The following PRELID2 variants were observed in gnomAD, a reference collection of about 807,000 sequenced individuals.
The protein encoded by PRELID2 is PRELI domain containing 2.
In PRELID2, 25 loss-of-function variants were observed where a neutral mutation model predicts 28.4. The ratio of observed to expected loss-of-function variants is 0.88; its 90% CI spans 0.64 to 1.23. The LOEUF is 1.23. Among genes scored for constraint, PRELID2 ranks in the 50% most tolerant of loss-of-function variants. The pLI is 0.00. For missense variants in PRELID2, 201 were observed against 214.4 expected (o/e 0.94, Z 0.39); for synonymous variants, 76 against 71.6 (o/e 1.06, Z -0.31).
intron 1 of PRELID2, among the ~76,000 whole-genome samples, chr5:145,495,459 G>T (rs777033330): frequency 2.6e-4 from 40 of 152,146 alleles, no homozygotes; most frequent in Admixed American, 1.2e-3. Flanking sequence ...TCTCTAACTT[G>T]GTCTCATCTT....
chr5:145,515,871 C>G (rs1752511379), intron 1 of PRELID2, among the ~76,000 whole-genome samples: 1 of 152,180 alleles, frequency 6.6e-6, no homozygotes. Context: ...ATCACATAAA[C>G]AGAACCAATG....
the PRELID2 span, among the ~76,000 whole-genome samples, chr5:145,362,228 T>C: frequency 6.6e-6 from 1 of 152,136 alleles, no homozygotes. Context: ...TAAATGTTGG[T>C]ATTTGAAGCC....
intron 4 of PRELID2, among the ~76,000 whole-genome samples, chr5:145,805,849 G>T (rs1041179131): frequency 2.2e-4 from 33 of 152,284 alleles, no homozygotes; most frequent in African/African-American, 7.9e-4. Flanking sequence ...CATACTGTAT[G>T]CAACTGCAAC....
intron 1 of PRELID2, among the ~76,000 whole-genome samples, chr5:145,576,621 A>G (rs1047375211): frequency 6.6e-6 from 1 of 151,928 alleles, no homozygotes; most frequent in African/African-American, 2.4e-5. Context: ...AAAATCTTTC[A>G]CAGGAGCTAA....
intron 5 of PRELID2, among the ~76,000 whole-genome samples, chr5:145,776,361 A>C (rs1194770230): frequency 6.6e-6 from 1 of 152,226 alleles, no homozygotes; most frequent in African/African-American, 2.4e-5. Context: ...TTACTTCATA[A>C]GGGCACCAAA....
chr5:145,685,574 G>A (rs547274777), intron 1 of PRELID2, among the ~76,000 whole-genome samples: 1 of 152,208 alleles, frequency 6.6e-6, no homozygotes, highest in African/African-American at 2.4e-5. Context: ...ACAAAAGCAA[G>A]TATAATGCTT....
At chr5:145,438,230 A>G in the PRELID2 span, among the ~76,000 whole-genome samples, 1 of 151,988 alleles carries the variant, frequency 6.6e-6, no homozygotes, top group African/African-American at 2.4e-5. Flanking sequence ...CAAATAAATC[A>G]CTCCTCACTG....
the PRELID2 span, among the ~76,000 whole-genome samples, chr5:145,332,559 G>T: frequency 6.6e-6 from 1 of 151,546 alleles, no homozygotes; most frequent in South Asian, 2.1e-4. Flanking sequence ...TGATTGATTT[G>T]GCTATTGATA....
At chr5:145,337,181 TA>T in the PRELID2 span, among the ~76,000 whole-genome samples, 312 of 151,096 alleles carry the variant, frequency 2.1e-3, no homozygotes, top group Non-Finnish European at 3.6e-3. Context: ...AAAACTAAGC[TA>T]AAAATAAGCA....
intron 1 of PRELID2, chr5:145,825,873 G>T: frequency 4.5e-6 from 1 of 223,834 alleles, no homozygotes. Context: ...TACTTGAAAT[G>T]ATCTGACGCC....
Position 145,675,788 on chromosome 5 carries a change from T to A in PRELID2, n.70+89143A>T, listed in dbSNP as rs187105233. Among the ~76,000 whole-genome samples the A allele has an allele frequency of 3.1e-3, 474 of 152,356 alleles. 2 individuals carry two copies. Among genetic ancestry groups the A allele is most frequent in the African/African-American group, 0.011 (458 of 41,588 alleles). ...TATCTGGTTCTTTACAGAAAATGTT[T>A]GCTGAACTCGGCTATGAACCAGCAA... On this transcript the variant is annotated intron_variant and non_coding_transcript_variant, in intron 1 of 2. Coordinates refer to the PRELID2 transcript ENST00000510259.
At chr5:145,335,501 G>T in the PRELID2 span, among the ~76,000 whole-genome samples, 1 of 151,954 alleles carries the variant, frequency 6.6e-6, no homozygotes, top group Admixed American at 6.6e-5. Context: ...AAATTATTGT[G>T]TTTATCAGTT....
chr5:145,423,202 C>A, the PRELID2 span, among the ~76,000 whole-genome samples: 170 of 151,584 alleles, frequency 1.1e-3, no homozygotes, highest in African/African-American at 4.0e-3. Flanking sequence ...GTGAATCTGA[C>A]AATTATGTGT....
intron 1 of PRELID2, among the ~76,000 whole-genome samples, chr5:145,723,983 C>T (rs1581100473): frequency 2.6e-5 from 4 of 152,230 alleles, no homozygotes; most frequent in Admixed American, 2.0e-4. Flanking sequence ...AATTCTGATG[C>T]ATACACACAA....
At chr5:145,769,117 C>T (rs954432804) in intron 5 of PRELID2, among the ~76,000 whole-genome samples, 1 of 152,256 alleles carries the variant, frequency 6.6e-6, no homozygotes. Context: ...CACAATGATG[C>T]CTGAAATGCA....
chr5:145,782,358 G>A (rs185682218), intron 5 of PRELID2, among the ~76,000 whole-genome samples: 1 of 152,302 alleles, frequency 6.6e-6, no homozygotes, highest in Non-Finnish European at 1.5e-5. Flanking sequence ...ATGACTTTGT[G>A]CAAGGAATTG....
chr5:145,500,092 A>C (rs1366599206), intron 1 of PRELID2, among the ~76,000 whole-genome samples: 1 of 152,172 alleles, frequency 6.6e-6, no homozygotes, highest in Admixed American at 6.6e-5. Context: ...AGGTGGGAAC[A>C]TAGCTGCAAA....
At chr5:145,435,393 G>A in the PRELID2 span, among the ~76,000 whole-genome samples, 1 of 152,122 alleles carries the variant, frequency 6.6e-6, no homozygotes, top group Non-Finnish European at 1.5e-5. Flanking sequence ...ACAAGCCAGA[G>A]CAAGTTTGAT....
chr5:145,820,678 A>G (rs1278936022), intron 2 of PRELID2, among the ~76,000 whole-genome samples: 1 of 152,168 alleles, frequency 6.6e-6, no homozygotes, highest in East Asian at 1.9e-4. Flanking sequence ...AGCAACCTCA[A>G]TTATGGTCTC....
Sources: allele counts gnomAD v4.1 joint callset (sites outside exome capture counted in the v4.1 genomes callset), GRCh38; gene constraint gnomAD v4.1.1; transcripts MANE v1.5; gene names NCBI Gene and HGNC (gene_info 2026-07-23, HGNC 2026-07-21).